STMN1: variants seen among roughly 807,000 people sequenced by gnomAD.
STMN1 encodes stathmin 1, also known as stathmin.
Under a neutral mutation model 19.7 loss-of-function variants are expected in STMN1, and 3 were observed. The ratio of observed to expected loss-of-function variants is 0.15; its 90% CI spans 0.07 to 0.39. STMN1 has a LOEUF of 0.39. Ranked by LOEUF, STMN1 falls within the 10% of genes least tolerant of loss-of-function variation. The pLI is 1.00. For synonymous variants in STMN1, 59 were observed against 58.9 expected (o/e 1.00, Z -0.01); for missense variants, 99 against 176.0 (o/e 0.56, Z 2.48).
chr1:25,887,362 A>G, intron 4 of STMN1: 1 of 258,788 alleles, frequency 3.9e-6, no homozygotes. Flanking sequence ...TAGTTACGGT[A>G]AGTCTACCCC....
chr1:25,894,558 T>C (rs139476132), intron 4 of STMN1, among the ~76,000 whole-genome samples: 3 of 152,206 alleles, frequency 2.0e-5, no homozygotes, highest in East Asian at 1.9e-4. Flanking sequence ...CATGCACCTA[T>C]AGTCCAAGCT....
exon 5 of STMN1, chr1:25,885,519 A>G (rs1368661029): frequency 3.3e-6 from 2 of 600,216 alleles, no homozygotes; most frequent in Admixed American, 7.5e-5. Flanking sequence ...ACCACAAGGC[A>G]GGCATTTTCA....
At chr1:25,885,874 A>G (rs1557475209) in intron 4 of STMN1, 3 of 1,539,332 alleles carry the variant, frequency 1.9e-6, no homozygotes, top group Non-Finnish European at 2.6e-6. Flanking sequence ...GTACATCTGG[A>G]AGAAAAAGAA....
chr1:25,894,178 G>A (rs996115761), intron 4 of STMN1, among the ~76,000 whole-genome samples: 2 of 152,188 alleles, frequency 1.3e-5, no homozygotes, highest in Non-Finnish European at 2.9e-5. Flanking sequence ...CTTGGTTGTA[G>A]GGTATGACTG....
intron 4 of STMN1, among the ~76,000 whole-genome samples, chr1:25,890,370 C>T (rs889551741): frequency 2.6e-5 from 4 of 152,178 alleles, no homozygotes; most frequent in Admixed American, 6.5e-5. Flanking sequence ...GGTCAGAGGG[C>T]TCTGCAAAGC....
At chr1:25,898,584 G>A (rs532499644), downstream of STMN1, among the ~76,000 whole-genome samples, 6 of 152,140 alleles carry the variant, frequency 3.9e-5, no homozygotes, top group East Asian at 1.9e-4. Context: ...CCTCCTTCAC[G>A]TCCTTCAAAC....
Position 25,903,823 on chromosome 1 carries a change from ATTATAT to A in STMN1, c.14-16_14-11del, listed in dbSNP as rs758585713. ...TCTTTCACCTGGATATCTAGAATTG[ATTATAT>A]TTATAATTCAGAAAACCAGGATTCT... On this transcript the variant is annotated splice_polypyrimidine_tract_variant and intron_variant, in intron 2 of 4. Transcript: ENST00000455785. The A allele has an allele frequency of 1.3e-4, 212 of 1,584,700 alleles. No individual in the cohort carries two copies. Among genetic ancestry groups the A allele is most frequent in the Admixed American group, 4.7e-4 (24 of 51,316 alleles).
intron 4 of STMN1, among the ~76,000 whole-genome samples, chr1:25,893,859 A>C (rs1458709810): frequency 6.6e-6 from 1 of 152,192 alleles, no homozygotes; most frequent in African/African-American, 2.4e-5. Flanking sequence ...CTGTTATTAA[A>C]GTGTCCCTGT....
intron 4 of STMN1, chr1:25,887,413 G>A (rs1444993524): frequency 2.8e-5 from 10 of 351,428 alleles, no homozygotes; most frequent in South Asian, 5.8e-5. Context: ...CAGGAAAGCC[G>A]GTGATGCTGA....
intron 4 of STMN1, among the ~76,000 whole-genome samples, chr1:25,888,562 G>A (rs1015114151): frequency 2.6e-5 from 4 of 152,062 alleles, no homozygotes; most frequent in Non-Finnish European, 4.4e-5. Context: ...CTAGACCCAC[G>A]TCCCTCCTCC....
chr1:25,903,950 T>C (rs1167329242), intron 2 of STMN1, 137 bp from the exon 3 acceptor site: 1 of 848,978 alleles, frequency 1.2e-6, no homozygotes, highest in East Asian at 2.7e-5. Context: ...TTTTTTCCCC[T>C]TTTTATTCCT....
At chr1:25,886,161 T>C (rs1454627473) in intron 4 of STMN1, among the ~76,000 whole-genome samples, 3 of 152,102 alleles carry the variant, frequency 2.0e-5, no homozygotes, top group South Asian at 2.1e-4. Context: ...ACCTAGGCTC[T>C]GGAAGCCTAA....
At chr1:25,903,225 AT>A (rs1238715259) in intron 3 of STMN1, 1 of 168,266 alleles carries the variant, frequency 5.9e-6, no homozygotes, top group Non-Finnish European at 1.3e-5. Flanking sequence ...TTAAAATGTT[AT>A]TGTACAGCTC....
rs772431928 is a variant in STMN1 at position 25,901,546 on chromosome 1, T to C, written c.323A>G (p.Asn108Ser). The change falls in exon 4 of 5, where the codon AAT (asparagine) becomes AGT (serine). Residue 108 changes from asparagine to serine, a missense_variant. Coordinates refer to ENST00000455785, the MANE Select transcript of STMN1 (RefSeq NM_005563.4). The stretch of plus-strand genomic sequence containing the variant: ...CATTTGTGCCTCTCGGTTCTCTTTA[T>C]TAGCTTCCATTTTGTGGGTCAGTTT... The part of the protein sequence containing the change: ...EEKLTHKMEA[N>S]KENREAQMAA... 1.2e-6 allele frequency: 2 copies of C among 1,614,046 alleles called. No homozygotes were observed.
chr1:25,894,428 G>A (rs1381055123), intron 4 of STMN1, among the ~76,000 whole-genome samples: 1 of 152,106 alleles, frequency 6.6e-6, no homozygotes, highest in Non-Finnish European at 1.5e-5. Flanking sequence ...GCCTGTAATC[G>A]CAGCACTCTG....
chr1:25,896,725 A>G (rs898241941), downstream of STMN1, among the ~76,000 whole-genome samples: 6 of 152,100 alleles, frequency 3.9e-5, no homozygotes, highest in African/African-American at 1.4e-4. Flanking sequence ...CAAGTCAGAA[A>G]CCCTTTCCTA....
chr1:25,898,406 CAAGT>C (rs2048839209), downstream of STMN1, among the ~76,000 whole-genome samples: 1 of 152,222 alleles, frequency 6.6e-6, no homozygotes, highest in Non-Finnish European at 1.5e-5. Flanking sequence ...CTGGTGAGTA[CAAGT>C]ATGTGGTCGA....
At chr1:25,902,391 A>G (rs1216667436) in intron 3 of STMN1, 1 of 152,258 alleles carries the variant, frequency 6.6e-6, no homozygotes, top group Non-Finnish European at 1.5e-5. Context: ...CTGATAAAAC[A>G]ATGATAGGAA....
intron 4 of STMN1, among the ~76,000 whole-genome samples, chr1:25,886,704 T>G (rs1368548325): frequency 6.7e-6 from 1 of 149,958 alleles, no homozygotes; most frequent in Non-Finnish European, 1.5e-5. Flanking sequence ...TTCTCCTGCC[T>G]CAGCCTCCTG....
Sources: gnomAD v4.1 joint callset for allele counts (sites outside exome capture counted in the v4.1 genomes callset) on GRCh38, gnomAD v4.1.1 for gene constraint, MANE v1.5 for transcripts, NCBI Gene and HGNC (gene_info 2026-07-23, HGNC 2026-07-21) for gene names.